CACNA2D3: variants seen among roughly 807,000 people sequenced by gnomAD.
The protein encoded by CACNA2D3 is voltage-dependent calcium channel subunit alpha-2/delta-3.
In CACNA2D3, 60 loss-of-function variants were observed where a neutral mutation model predicts 160.6. The ratio of observed to expected loss-of-function variants is 0.37; its 90% CI spans 0.30 to 0.46. The LOEUF (loss-of-function observed/expected upper bound fraction) is 0.46, where lower values mean the gene tolerates loss of function less well. Ranked by LOEUF, CACNA2D3 falls within the 20% of genes least tolerant of loss-of-function variation. CACNA2D3 has a pLI of 1.00. For missense variants in CACNA2D3, 1,205 were observed against 1,365.0 expected, an observed-to-expected ratio of 0.88 and a Z score of 1.85; for synonymous variants, 558 against 492.9, an observed-to-expected ratio of 1.13 and a Z score of -1.75.
chr3:54,993,308 A>G (rs975516942), intron 31 of CACNA2D3, among the ~76,000 whole-genome samples: 1 of 152,216 alleles, frequency 6.6e-6, no homozygotes, highest in African/African-American at 2.4e-5. Context: ...CCAGCAAAAT[A>G]TCTAGCAGAT....
At chr3:54,132,309 A>G (rs1699729623) in intron 2 of CACNA2D3, among the ~76,000 whole-genome samples, 1 of 152,208 alleles carries the variant, frequency 6.6e-6, no homozygotes, top group Non-Finnish European at 1.5e-5. Flanking sequence ...CAGACAACAC[A>G]CTTCAGACAA....
intron 4 of CACNA2D3, among the ~76,000 whole-genome samples, chr3:54,433,155 A>G (rs1427833713): frequency 2.6e-5 from 4 of 152,106 alleles, no homozygotes. Flanking sequence ...AAGAGGGAGG[A>G]GTGCAGCTAG....
chr3:54,521,914 A>G (rs1353413083), intron 5 of CACNA2D3, among the ~76,000 whole-genome samples: 1 of 152,144 alleles, frequency 6.6e-6, no homozygotes, highest in African/African-American at 2.4e-5. Context: ...CTATTGATCT[A>G]TTTTTATGCT....
chr3:54,962,596 A>G lies in CACNA2D3; in HGVS notation c.2450-5854A>G, dbSNP rs115505654. Among the ~76,000 whole-genome samples the G allele has an allele frequency of 7.3e-3, 1,119 of 152,292 alleles. 14 individuals are homozygous for G. The highest frequency in any genetic ancestry group is 0.026 in the African/African-American group (1,069 of 41,558). On this transcript the variant is annotated intron_variant, in intron 27 of 37. Coordinates refer to ENST00000474759, the MANE Select transcript of CACNA2D3 (RefSeq NM_018398.3). Reference sequence around the variant, plus strand: ...CAGAAGCCAGAGCCGGTGCAACTCTATTGGTGGAGACAGAGAGGTAAAGTG... The same window carrying G: ...CAGAAGCCAGAGCCGGTGCAACTCTGTTGGTGGAGACAGAGAGGTAAAGTG...
At chr3:54,693,279 A>G (rs1315797592) in intron 11 of CACNA2D3, among the ~76,000 whole-genome samples, 2 of 152,216 alleles carry the variant, frequency 1.3e-5, no homozygotes, top group Non-Finnish European at 2.9e-5. Context: ...GTTCCAATCA[A>G]CAATGAACCG....
chr3:54,800,606 T>C (rs1702963252), intron 13 of CACNA2D3, among the ~76,000 whole-genome samples: 1 of 152,208 alleles, frequency 6.6e-6, no homozygotes, highest in Non-Finnish European at 1.5e-5. Flanking sequence ...TGATACTCCT[T>C]AGCTATATGT....
chr3:54,423,659 C>T (rs1699870607), intron 4 of CACNA2D3, among the ~76,000 whole-genome samples: 1 of 152,168 alleles, frequency 6.6e-6, no homozygotes. Context: ...GGACTCTGTA[C>T]ATAGGCCCTG....
chr3:54,942,412 C>T (rs757822173), intron 27 of CACNA2D3, among the ~76,000 whole-genome samples: 1 of 152,168 alleles, frequency 6.6e-6, no homozygotes, highest in Non-Finnish European at 1.5e-5. Flanking sequence ...GATTTGGGCA[C>T]AGGGAGAAAT....
chr3:55,015,653 G>T (rs578075260), intron 34 of CACNA2D3, among the ~76,000 whole-genome samples: 41 of 152,274 alleles, frequency 2.7e-4, no homozygotes, highest in Non-Finnish European at 4.7e-4. Context: ...AGAATGACTT[G>T]CCATACAGAG....
intron 2 of CACNA2D3, among the ~76,000 whole-genome samples, chr3:54,208,233 G>T (rs1428740906): frequency 6.6e-6 from 1 of 152,142 alleles, no homozygotes; most frequent in African/African-American, 2.4e-5. Context: ...AACCTCCTGA[G>T]TAGCTGGGAT....
intron 2 of CACNA2D3, among the ~76,000 whole-genome samples, chr3:54,253,744 A>G (rs1702240324): frequency 6.6e-6 from 1 of 151,210 alleles, no homozygotes; most frequent in Admixed American, 6.6e-5. Context: ...GGGATAATGT[A>G]CCCTCTAATC....
chr3:54,504,352 G>C (rs1701336746), intron 5 of CACNA2D3, among the ~76,000 whole-genome samples: 1 of 152,062 alleles, frequency 6.6e-6, no homozygotes, highest in African/African-American at 2.4e-5. Flanking sequence ...GATGGATTCT[G>C]GTCAGACCGT....
At chr3:54,640,386 T>G (rs949139501) in intron 10 of CACNA2D3, among the ~76,000 whole-genome samples, 67 of 152,230 alleles carry the variant, frequency 4.4e-4, no homozygotes, top group Non-Finnish European at 1.8e-4. Flanking sequence ...CTCGCAGCAT[T>G]GACATGTAAT....
intron 2 of CACNA2D3, among the ~76,000 whole-genome samples, chr3:54,287,099 G>C (rs1001830747): frequency 4.0e-5 from 6 of 151,884 alleles, no homozygotes; most frequent in Admixed American, 2.6e-4. Context: ...AATGTAAATG[G>C]ACTAAATGCT....
intron 17 of CACNA2D3, among the ~76,000 whole-genome samples, chr3:54,864,280 T>G (rs1266559392): frequency 6.6e-6 from 1 of 151,514 alleles, no homozygotes; most frequent in African/African-American, 2.4e-5. Flanking sequence ...AGGTGTTCTT[T>G]TTTTTTTTTT....
intron 4 of CACNA2D3, among the ~76,000 whole-genome samples, chr3:54,421,014 C>T (rs1438522120): frequency 1.3e-5 from 2 of 152,188 alleles, no homozygotes; most frequent in Non-Finnish European, 2.9e-5. Flanking sequence ...TATTGGGTTA[C>T]AGCATGGTGT....
chr3:54,789,572 T>C (rs1165619508), intron 13 of CACNA2D3, among the ~76,000 whole-genome samples: 1 of 152,212 alleles, frequency 6.6e-6, no homozygotes, highest in Non-Finnish European at 1.5e-5. Context: ...GGAAAATCCA[T>C]GAAGCTATTT....
intron 13 of CACNA2D3, among the ~76,000 whole-genome samples, chr3:54,776,327 G>C (rs1702423807): frequency 6.6e-6 from 1 of 152,056 alleles, no homozygotes; most frequent in Admixed American, 6.6e-5. Context: ...GGGCAACATA[G>C]TGAGACCCCC....
chr3:54,972,281 A>G (rs17054609), intron 29 of CACNA2D3, among the ~76,000 whole-genome samples: 18,260 of 152,174 alleles, frequency 0.12, 1,450 homozygotes, highest in African/African-American at 0.22. Context: ...ATGCTCAAAT[A>G]TCCTGAGTTT....
Sources: gnomAD v4.1 joint callset for allele counts (sites outside exome capture counted in the v4.1 genomes callset) on GRCh38, gnomAD v4.1.1 for gene constraint, MANE v1.5 for transcripts, NCBI Gene and HGNC (gene_info 2026-07-23, HGNC 2026-07-21) for gene names.